Variants in DCTN2 observed in about 807,000 individuals in gnomAD.
DCTN2 encodes dynactin subunit 2, also known as 50 kDa dynein-associated polypeptide.
A neutral mutation model predicts 55.4 loss-of-function variants in DCTN2; 18 were observed. The ratio of observed to expected loss-of-function variants is 0.32; its 90% CI spans 0.22 to 0.48. DCTN2 has a LOEUF of 0.48. DCTN2 is among the 20% of genes least tolerant of loss of function. The pLI is 0.99. For missense variants in DCTN2, 390 were observed against 491.0 expected, an observed-to-expected ratio of 0.79 and a Z score of 1.94; for synonymous variants, 168 against 185.2, an observed-to-expected ratio of 0.91 and a Z score of 0.76.
At position 57,533,025 on chromosome 12, in the gene DCTN2, G is replaced by A; in HGVS notation, c.736-3C>T. The A allele has an allele frequency of 1.9e-6, 3 of 1,597,880 alleles. No homozygotes were observed. The highest frequency in any genetic ancestry group is 2.6e-6 in the Non-Finnish European group (3 of 1,173,030). On this transcript the variant is annotated splice_polypyrimidine_tract_variant and splice_region_variant and intron_variant, in intron 8 of 13. Coordinates refer to ENST00000548249, the MANE Select transcript of DCTN2 (RefSeq NM_001261413.2). Reference sequence around the variant, plus strand: ...TGTAGACCTGCAGAAAGGGGATTCTGGTGGGAAAGGAAGGGAAGAAGTGAG... The same window carrying A: ...TGTAGACCTGCAGAAAGGGGATTCTAGTGGGAAAGGAAGGGAAGAAGTGAG...
chr12:57,532,430 C>T, intron 11 of DCTN2, 115 bp from the exon 12 acceptor site: 1 of 1,317,006 alleles, frequency 7.6e-7, no homozygotes, highest in Non-Finnish European at 1.1e-6. Flanking sequence ...GGAAGCAGTG[C>T]CCTGACTTTC....
chr12:57,534,972 G>A, intron 5 of DCTN2, 84 bp downstream of exon 5: 2 of 1,219,616 alleles, frequency 1.6e-6, no homozygotes, highest in Non-Finnish European at 2.4e-6. Context: ...ACCCAGCCAG[G>A]CAGGGAATCT....
intron 2 of DCTN2, chr12:57,543,314 A>T: frequency 4.9e-6 from 1 of 204,274 alleles, no homozygotes; most frequent in South Asian, 6.6e-5. Context: ...ACGCCACTGC[A>T]CTCCAGCCTG....
At chr12:57,535,423 CAT>C in intron 4 of DCTN2, 59 bp downstream of exon 4, 1 of 1,586,062 alleles carries the variant, frequency 6.3e-7, no homozygotes, top group Non-Finnish European at 8.7e-7. Context: ...CTCCCTACTA[CAT>C]GTCTGCTAGA....
intron 2 of DCTN2, chr12:57,538,510 G>A: frequency 2.6e-6 from 2 of 761,434 alleles, no homozygotes; most frequent in South Asian, 2.7e-5. Flanking sequence ...GAAAGGTCAG[G>A]CTTCTTACCA....
At chr12:57,530,801 T>C (rs751054310) in intron 13 of DCTN2, 26 bp from the exon 14 acceptor site, 2 of 1,589,708 alleles carry the variant, frequency 1.3e-6, no homozygotes, top group Admixed American at 3.3e-5. Flanking sequence ...GAGGTTTTAC[T>C]CTTTGTCAGG....
intron 4 of DCTN2, 139 bp from the exon 5 acceptor site, chr12:57,535,293 G>A: frequency 1.0e-6 from 1 of 970,174 alleles, no homozygotes; most frequent in Non-Finnish European, 1.5e-6. Flanking sequence ...AAGAACTGAG[G>A]ACAGCTAGAG....
intron 2 of DCTN2, chr12:57,539,989 T>A (rs957119013): frequency 4.7e-6 from 3 of 632,064 alleles, no homozygotes; most frequent in African/African-American, 4.0e-5. Context: ...CAGGCGGAGG[T>A]TGCAGTGAGC....
chr12:57,533,396 C>T lies in DCTN2; in HGVS notation c.670-93G>A. The T allele has an allele frequency of 3.5e-6, 4 of 1,127,774 alleles. No homozygotes were observed. The Admixed American group carries it at 5.1e-5, about 14-fold the overall frequency. 69.9% of individuals were successfully genotyped at this position (1,127,774 alleles called of 1,614,324 possible). The stretch of plus-strand genomic sequence containing the variant: ...CTGCTCTACTCTGCCTGCCACTCAC[C>T]ACCCCAAGGGATTCCTTTCCCTGGA... On this transcript the variant is annotated intron_variant, in intron 7 of 13. Transcript: ENST00000548249.
At chr12:57,536,124 C>T in intron 2 of DCTN2, 1 of 417,690 alleles carries the variant, frequency 2.4e-6, no homozygotes. Context: ...CCTTCCCATC[C>T]CCCCATGCTA....
At position 57,546,904 on chromosome 12, in the gene DCTN2, G is replaced by A. The variant is rs1179294559; in HGVS notation, c.36+124C>T. 23 of 824,176 alleles carry A rather than the reference G, an allele frequency of 2.8e-5. 1 individual carries two copies. In the South Asian group the frequency reaches 1.1e-3, roughly 39 times the overall value. 51.1% of individuals were successfully genotyped at this position (824,176 alleles called of 1,614,324 possible). ...GGTGCTGAGGCCGATCGGAGAACGA[G>A]CGGCGGGAGCCCTTGGGCGGAGGAT... On this transcript the variant is annotated intron_variant, in intron 1 of 13. Transcript: ENST00000548249.
At chr12:57,541,333 C>T (rs1294370201) in intron 2 of DCTN2, 4 of 1,596,578 alleles carry the variant, frequency 2.5e-6, no homozygotes, top group Non-Finnish European at 3.4e-6. Context: ...ATGAAAAAAA[C>T]ATGCAGAGAA....
chr12:57,546,048 C>G lies in DCTN2; in HGVS notation c.85G>C (p.Asp29His). Reference protein sequence around the residue: ...VYETSDLPEDDQAEFDAEELT... With the variant: ...VYETSDLPEDHQAEFDAEELT... ...CTTACCGCATCGAACTCCGCTTGAT[C>G]ATCCTCAGGTAGGTCGCTAGTTTCA... Residue 29 changes from aspartate (D) to histidine (H), a missense_variant, in exon 2 of 14, where the codon GAT becomes CAT. Physicochemically the swap from Asp to His is moderately conservative, Grantham distance 81. This residue lies in a region of DCTN2 where 117 missense variants were observed against 187.8 expected (regional missense o/e 0.62). Transcript: ENST00000548249. The G allele has an allele frequency of 1.2e-6, 2 of 1,613,938 alleles. No homozygotes were observed. The highest frequency in any genetic ancestry group is 1.7e-6 in the Non-Finnish European group (2 of 1,179,876).
At chr12:57,546,648 G>A (rs1881188719) in intron 1 of DCTN2, among the ~76,000 whole-genome samples, 1 of 152,142 alleles carries the variant, frequency 6.6e-6, no homozygotes, top group Non-Finnish European at 1.5e-5. Context: ...TTCCTTGGCA[G>A]GATGAAGGCC....
At chr12:57,543,173 C>T (rs1880843281) in intron 2 of DCTN2, 1 of 371,160 alleles carries the variant, frequency 2.7e-6, no homozygotes, top group South Asian at 2.0e-5. Context: ...CACATGAAAC[C>T]CCGTCTCTAC....
chr12:57,534,186 A>C, intron 6 of DCTN2, 89 bp from the exon 7 acceptor site: 1 of 1,528,646 alleles, frequency 6.5e-7, no homozygotes, highest in African/African-American at 1.4e-5. Flanking sequence ...CAGCATTAAG[A>C]AACATCTAAG....
intron 1 of DCTN2, among the ~76,000 whole-genome samples, chr12:57,546,591 G>C (rs1400322710): frequency 1.3e-5 from 2 of 151,996 alleles, no homozygotes; most frequent in Non-Finnish European, 2.9e-5. Context: ...CTCAAGGATA[G>C]AGCTCCCCAT....
chr12:57,543,818 G>T, intron 2 of DCTN2: 1 of 1,289,446 alleles, frequency 7.8e-7, no homozygotes, highest in Non-Finnish European at 1.0e-6. Flanking sequence ...GGCATCCTGG[G>T]CAACATGCCA....
chr12:57,541,400 G>A (rs961046102), intron 2 of DCTN2: 4 of 1,599,030 alleles, frequency 2.5e-6, no homozygotes, highest in Admixed American at 3.3e-5. Context: ...TGGTGAGGAG[G>A]GAGGATGGGG....
Sources: allele counts gnomAD v4.1 joint callset (sites outside exome capture counted in the v4.1 genomes callset), GRCh38; gene constraint gnomAD v4.1.1; regional missense constraint gnomAD v4.1.1; transcripts MANE v1.5; gene names NCBI Gene and HGNC (gene_info 2026-07-23, HGNC 2026-07-21).